MACROD2: variants seen among roughly 807,000 people sequenced by gnomAD.
MACROD2 encodes the protein ADP-ribose glycohydrolase MACROD2.
MACROD2 carries 36 observed loss-of-function variants against 70.4 expected under a neutral mutation model. The observed-to-expected ratio is 0.51, with a 90% CI of 0.39 to 0.68. MACROD2 has a LOEUF of 0.68. MACROD2 is among the 30% of genes least tolerant of loss of function. The pLI, the probability that MACROD2 is intolerant of heterozygous loss-of-function variation, is 0.00. For missense variants in MACROD2, 496 were observed against 538.4 expected (o/e 0.92, Z 0.78); for synonymous variants, 172 against 178.8 (o/e 0.96, Z 0.30).
At chr20:14,549,672 T>C (rs1360008518) in intron 4 of MACROD2, among the ~76,000 whole-genome samples, 16 of 152,152 alleles carry the variant, frequency 1.1e-4, no homozygotes, top group Admixed American at 1.0e-3. Flanking sequence ...AGGTAAGATT[T>C]AGTCATTGAT....
intron 8 of MACROD2, among the ~76,000 whole-genome samples, chr20:15,709,287 A>T (rs2050589374): frequency 6.6e-6 from 1 of 152,232 alleles, no homozygotes; most frequent in South Asian, 2.1e-4. Flanking sequence ...CTATCTAATA[A>T]GTGAATAGCA....
chr20:15,973,962 A>G (rs1323089162), intron 13 of MACROD2, among the ~76,000 whole-genome samples: 2 of 152,214 alleles, frequency 1.3e-5, no homozygotes, highest in Admixed American at 6.5e-5. Flanking sequence ...TGAAAATGCA[A>G]TGAGGAGTTC....
chr20:14,326,997 G>T lies in MACROD2; in HGVS notation c.272-166482G>T. The T allele has an allele frequency of 6.2e-7, 1 of 1,613,750 alleles. No homozygotes were observed. Among genetic ancestry groups the T allele is most frequent in the East Asian group, 2.2e-5 (1 of 44,846 alleles). ...CTTCTATAGTCCTGGGCAAACCCCA[G>T]GGAATTGTGCTAAGGTGATTACGGG... On this transcript the variant is annotated intron_variant, in intron 3 of 17. Coordinates refer to ENST00000684519, the MANE Select transcript of MACROD2 (RefSeq NM_001351661.2). The surrounding 1 kb of genome is among the most constrained non-coding windows in gnomAD (Gnocchi z 5.5).
chr20:14,251,968 T>A (rs979072707), intron 3 of MACROD2, among the ~76,000 whole-genome samples: 2 of 152,012 alleles, frequency 1.3e-5, no homozygotes, highest in African/African-American at 2.4e-5. Context: ...GTACTCACTT[T>A]AAAAAAATCC....
intron 6 of MACROD2, among the ~76,000 whole-genome samples, chr20:15,385,566 C>T (rs2045701882): frequency 6.6e-6 from 1 of 152,112 alleles, no homozygotes; most frequent in Non-Finnish European, 1.5e-5. Flanking sequence ...ACGTTAGTGT[C>T]GAAGGATTAC....
At chr20:14,619,414 A>G (rs976046797) in intron 4 of MACROD2, among the ~76,000 whole-genome samples, 40 of 5,546 alleles carry the variant, frequency 7.2e-3, no homozygotes, top group Non-Finnish European at 0.012. Flanking sequence ...AGGAAGGAGG[A>G]AAGGAGGGAA....
At position 14,585,942 on chromosome 20, in the gene MACROD2, T is replaced by G. The variant is rs181548599; in HGVS notation, c.301+92434T>G. ...TTGAGGCCAACCATTTAAACACCAC[T>G]AGGTAACACAAAAAACAATGATATC... On this transcript the variant is annotated intron_variant, in intron 4 of 17. Coordinates refer to ENST00000684519, the MANE Select transcript of MACROD2 (RefSeq NM_001351661.2). Among the ~76,000 whole-genome samples, 156 of 152,234 alleles carry G rather than the reference T, an allele frequency of 1.0e-3. 1 individual carries two copies. Among genetic ancestry groups the G allele is most frequent in the Non-Finnish European group, 2.0e-3 (135 of 67,976 alleles).
intron 7 of MACROD2, among the ~76,000 whole-genome samples, chr20:15,482,736 T>C (rs2047114805): frequency 6.6e-6 from 1 of 152,144 alleles, no homozygotes; most frequent in East Asian, 1.9e-4. Flanking sequence ...TTCGGTATTG[T>C]CAGTGTTTTG....
At chr20:15,640,907 C>T (rs1368756718) in intron 8 of MACROD2, among the ~76,000 whole-genome samples, 1 of 152,228 alleles carries the variant, frequency 6.6e-6, no homozygotes, top group Non-Finnish European at 1.5e-5. Context: ...TGCCATCCCA[C>T]AGCTTACCCG....
chr20:15,425,415 C>A (rs1428776368), intron 6 of MACROD2, among the ~76,000 whole-genome samples: 1 of 152,084 alleles, frequency 6.6e-6, no homozygotes, highest in Non-Finnish European at 1.5e-5. Context: ...CACAAAGTAA[C>A]ACAAAATAAT....
intron 3 of MACROD2, among the ~76,000 whole-genome samples, chr20:14,299,576 A>G (rs1022264803): frequency 6.6e-6 from 1 of 152,204 alleles, no homozygotes; most frequent in African/African-American, 2.4e-5. Context: ...CACTTAGTTG[A>G]TAAAGCAGTG....
At chr20:15,181,842 G>A (rs1051053028) in intron 5 of MACROD2, among the ~76,000 whole-genome samples, 2 of 152,028 alleles carry the variant, frequency 1.3e-5, no homozygotes, top group South Asian at 2.1e-4. Flanking sequence ...GAAATGACGG[G>A]CCTCTGCATT....
At chr20:14,650,041 G>C (rs566264642) in intron 4 of MACROD2, among the ~76,000 whole-genome samples, 8 of 152,290 alleles carry the variant, frequency 5.3e-5, no homozygotes, top group Admixed American at 1.3e-4. Context: ...CAGAATGGGA[G>C]CAGGAGGCAG....
chr20:14,121,330 G>A (rs1010223616), intron 3 of MACROD2, among the ~76,000 whole-genome samples: 1 of 152,190 alleles, frequency 6.6e-6, no homozygotes, highest in Non-Finnish European at 1.5e-5. Flanking sequence ...ACTCAAGGAC[G>A]TGGAGGTCCT....
chr20:14,196,239 A>T (rs952999210), intron 3 of MACROD2, among the ~76,000 whole-genome samples: 6 of 152,220 alleles, frequency 3.9e-5, no homozygotes, highest in South Asian at 4.2e-4. Flanking sequence ...ATTTTAGGCA[A>T]TTTGACTCTC....
chr20:15,146,315 T>C (rs2076229884), intron 5 of MACROD2, among the ~76,000 whole-genome samples: 1 of 152,154 alleles, frequency 6.6e-6, no homozygotes, highest in Non-Finnish European at 1.5e-5. Context: ...ATACGGAGTA[T>C]CTGTGTTGAG....
chr20:14,353,274 A>G (rs2083141682), intron 3 of MACROD2, among the ~76,000 whole-genome samples: 2 of 152,278 alleles, frequency 1.3e-5, no homozygotes, highest in South Asian at 4.1e-4. Context: ...TAAATATACT[A>G]GAATTAATAA....
chr20:14,722,866 AAGAT>A lies in MACROD2; in HGVS notation c.418+37913_418+37916del, dbSNP rs1600587995. On this transcript the variant is annotated intron_variant, in intron 5 of 17. Transcript: ENST00000684519. ...TGATGTCTGACTTTATCTTCTGCCA[AAGAT>A]AGATAATGTTTATATCAGACAAAAA... 2.0e-5 allele frequency among the ~76,000 whole-genome samples: 3 copies of A among 152,208 alleles called. No homozygotes were observed. In the East Asian group the frequency reaches 5.8e-4, roughly 29 times the overall value.
intron 6 of MACROD2, among the ~76,000 whole-genome samples, chr20:15,239,278 T>C (rs1364006944): frequency 6.8e-6 from 1 of 147,718 alleles, no homozygotes; most frequent in East Asian, 2.0e-4. Context: ...AAAGAACAAG[T>C]AAAAACAATA....
Sources: gnomAD v4.1 joint callset for allele counts (sites outside exome capture counted in the v4.1 genomes callset) on GRCh38, gnomAD v4.1.1 for gene constraint, Gnocchi (gnomAD v3.1) non-coding constraint, MANE v1.5 for transcripts, NCBI Gene and HGNC (gene_info 2026-07-23, HGNC 2026-07-21) for gene names.